PHLPP1: variants seen among roughly 807,000 people sequenced by gnomAD.
PHLPP1 encodes PH domain and leucine rich repeat protein phosphatase 1, also known as PH domain leucine-rich repeat-containing protein phosphatase 1.
Under a neutral mutation model 117.2 loss-of-function variants are expected in PHLPP1, and 42 were observed. The observed-to-expected ratio is 0.36, with a 90% CI of 0.28 to 0.46. PHLPP1 has a LOEUF of 0.46. Among genes scored for constraint, PHLPP1 ranks in the 20% least tolerant of loss-of-function variants. The pLI, the probability that PHLPP1 is intolerant of heterozygous loss-of-function variation, is 1.00. For missense variants in PHLPP1, 2,084 were observed against 2,241.9 expected (o/e 0.93, Z 1.42); for synonymous variants, 1,042 against 970.7 (o/e 1.07, Z -1.37).
intron 4 of PHLPP1, among the ~76,000 whole-genome samples, chr18:62,890,244 TTTTATTTATTTATAAATAA>T (rs1286344052): frequency 6.6e-6 from 1 of 151,954 alleles, no homozygotes; most frequent in African/African-American, 2.4e-5. Context: ...CTCTCTTCCA[TTTTATTTATTTATAAATAA>T]TTTATTTATT....
At chr18:62,725,636 A>G (rs956848944) in intron 1 of PHLPP1, among the ~76,000 whole-genome samples, 2 of 151,186 alleles carry the variant, frequency 1.3e-5, no homozygotes, top group East Asian at 1.9e-4. Context: ...CTCTTAAAAA[A>G]AGAGAGAGAG....
chr18:62,749,643 C>T (rs960607230), intron 1 of PHLPP1, among the ~76,000 whole-genome samples: 1 of 152,342 alleles, frequency 6.6e-6, no homozygotes, highest in African/African-American at 2.4e-5. Context: ...TGGCCACCTT[C>T]TCCCTTTGTC....
At position 62,941,863 on chromosome 18, in the gene PHLPP1, C is replaced by T. The variant is rs1910139652; in HGVS notation, c.3106C>T (p.Pro1036Ser). 1.2e-6 allele frequency: 2 copies of T among 1,613,922 alleles called. No homozygotes were observed. The highest frequency in any genetic ancestry group is 1.7e-6 in the Non-Finnish European group (2 of 1,179,840). The change falls in exon 11 of 17, where the codon CCC becomes TCC. Residue 1036 changes from proline to serine, a missense_variant. Coordinates refer to ENST00000262719, the MANE Select transcript of PHLPP1 (RefSeq NM_194449.4). Reference sequence around the variant, plus strand: ...ATGTGTGCCCTTGTTAACGGGACACCCCCATTTGAAGATCCTTCACATGGC... The same window carrying T: ...ATGTGTGCCCTTGTTAACGGGACACTCCCATTTGAAGATCCTTCACATGGC... ...DKCVPLLTGHPHLKILHMAYN... is the reference protein window; with the variant it reads ...DKCVPLLTGHSHLKILHMAYN...
chr18:62,822,238 C>T (rs1442929456), intron 1 of PHLPP1, among the ~76,000 whole-genome samples: 1 of 144,134 alleles, frequency 6.9e-6, no homozygotes, highest in East Asian at 2.1e-4. Flanking sequence ...TTCCTCAGTT[C>T]AATATAGAGG....
intron 1 of PHLPP1, among the ~76,000 whole-genome samples, chr18:62,798,724 C>A (rs574480190): frequency 6.6e-6 from 1 of 151,980 alleles, no homozygotes; most frequent in East Asian, 1.9e-4. Context: ...ACCTTCTCTT[C>A]TTTGAACTCT....
intron 1 of PHLPP1, among the ~76,000 whole-genome samples, chr18:62,804,480 G>A (rs910746560): frequency 1.1e-4 from 17 of 152,106 alleles, no homozygotes; most frequent in African/African-American, 3.9e-4. Context: ...GGGCTGGGAG[G>A]CCAAGGTGGG....
intron 1 of PHLPP1, among the ~76,000 whole-genome samples, chr18:62,824,990 A>G (rs1914570463): frequency 6.6e-6 from 1 of 151,076 alleles, no homozygotes; most frequent in Admixed American, 6.6e-5. Flanking sequence ...GCAGTGGCAC[A>G]ATCTCAGCTC....
chr18:62,716,703 A>G lies in PHLPP1; in HGVS notation c.1020A>G (p.Pro340=). Residue 340 remains proline (P), a synonymous_variant, in exon 1 of 17, where the codon CCA becomes CCG. Transcript: ENST00000262719. This position sits in a 1 kb window ranked among gnomAD's most constrained non-coding sequence, Gnocchi z 5.7. Reference sequence around the variant, plus strand: ...GCCCTGTCTCTTCGCCCCGCGCCCCACGGCCTGTGGTCTCCGACACCGAGA... The same window carrying G: ...GCCCTGTCTCTTCGCCCCGCGCCCCGCGGCCTGTGGTCTCCGACACCGAGA... The part of the protein sequence containing the change: ...VGGPVSSPRA[P]RPVVSDTESF... 3 of 1,475,686 alleles carry G rather than the reference A, an allele frequency of 2.0e-6. No individual in the cohort carries two copies. Among genetic ancestry groups the G allele is most frequent in the Non-Finnish European group, 2.7e-6 (3 of 1,115,248 alleles). The allele number at this position is 1,475,686 out of a possible 1,614,324, so 91.4% of individuals were successfully genotyped here.
chr18:62,747,151 C>G (rs1412611406), intron 1 of PHLPP1, among the ~76,000 whole-genome samples: 1 of 152,058 alleles, frequency 6.6e-6, no homozygotes, highest in Non-Finnish European at 1.5e-5. Context: ...CTATCATTCC[C>G]CTCTCCCATA....
At chr18:62,876,028 C>T (rs1333449907) in intron 4 of PHLPP1, among the ~76,000 whole-genome samples, 4 of 152,040 alleles carry the variant, frequency 2.6e-5, no homozygotes, top group Admixed American at 6.6e-5. Context: ...CCACTGTGCC[C>T]GGCCTGTAGC....
intron 1 of PHLPP1, among the ~76,000 whole-genome samples, chr18:62,804,111 G>A (rs56999165): frequency 1.3e-5 from 2 of 152,204 alleles, no homozygotes; most frequent in East Asian, 1.9e-4. Context: ...AGTTAATGGC[G>A]GAAGTTGAAG....
chr18:62,890,096 A>G (rs1222300955), intron 4 of PHLPP1, among the ~76,000 whole-genome samples: 1 of 139,074 alleles, frequency 7.2e-6, no homozygotes, highest in Non-Finnish European at 1.6e-5. Flanking sequence ...CTAGTAGAGT[A>G]GTGTTTTCTC....
At chr18:62,951,812 ATTT>A (rs34516044) in intron 12 of PHLPP1, among the ~76,000 whole-genome samples, 1,548 of 101,412 alleles carry the variant, frequency 0.015, 26 homozygotes, top group African/African-American at 0.058. Flanking sequence ...CACATAATTA[ATTT>A]TTTTTTTTTT....
chr18:62,950,225 G>C (rs951169174), intron 12 of PHLPP1, among the ~76,000 whole-genome samples: 2 of 152,108 alleles, frequency 1.3e-5, no homozygotes, highest in African/African-American at 4.8e-5. Context: ...TTTCATGTTT[G>C]TTCCATGCAG....
At chr18:62,783,601 G>T (rs148173159) in intron 1 of PHLPP1, among the ~76,000 whole-genome samples, 3 of 152,268 alleles carry the variant, frequency 2.0e-5, no homozygotes, top group Non-Finnish European at 4.4e-5. Flanking sequence ...CTCATGAAAT[G>T]AGTATCTTTT....
intron 10 of PHLPP1, among the ~76,000 whole-genome samples, chr18:62,941,062 G>A (rs771852193): frequency 6.6e-5 from 10 of 152,140 alleles, no homozygotes; most frequent in Non-Finnish European, 1.5e-4. Context: ...TCATCCTGTT[G>A]ATACATGTTG....
intron 1 of PHLPP1, among the ~76,000 whole-genome samples, chr18:62,810,760 T>G (rs544584102): frequency 1.8e-3 from 277 of 152,252 alleles, no homozygotes; most frequent in African/African-American, 6.5e-3. Flanking sequence ...GAAAATACGT[T>G]AAAGCAATAC....
intron 1 of PHLPP1, among the ~76,000 whole-genome samples, chr18:62,762,339 T>TAA (rs35683641): frequency 2.8e-5 from 4 of 142,288 alleles, no homozygotes; most frequent in Non-Finnish European, 4.6e-5. Flanking sequence ...CTGTAATTAT[T>TAA]AAAAAAAAAA....
At chr18:62,731,472 A>G (rs1911226151) in intron 1 of PHLPP1, 2 of 152,226 alleles carry the variant, frequency 1.3e-5, no homozygotes, top group Non-Finnish European at 2.9e-5. Context: ...TGACTCCTTG[A>G]CCGACTGGCT....
Sources: gnomAD v4.1 joint callset for allele counts (sites outside exome capture counted in the v4.1 genomes callset) on GRCh38, gnomAD v4.1.1 for gene constraint, Gnocchi (gnomAD v3.1) non-coding constraint, MANE v1.5 for transcripts, NCBI Gene and HGNC (gene_info 2026-07-23, HGNC 2026-07-21) for gene names.